The following GUCY2C variants were observed in gnomAD, a reference collection of about 807,000 sequenced individuals.
GUCY2C encodes guanylyl cyclase C.
In GUCY2C, 118 loss-of-function variants were observed where a neutral mutation model predicts 131.1. The ratio of observed to expected loss-of-function variants is 0.90; its 90% CI spans 0.78 to 1.05. The LOEUF is 1.05. Among genes scored for constraint, GUCY2C ranks in the 50% least tolerant of loss-of-function variants. GUCY2C has a pLI of 0.00. For synonymous variants in GUCY2C, 452 were observed against 457.8 expected, an observed-to-expected ratio of 0.99 and a Z score of 0.16; for missense variants, 1,161 against 1,304.4, an observed-to-expected ratio of 0.89 and a Z score of 1.69.
rs768472977 is a variant in GUCY2C, at chr12:14,628,753, A to C, written c.2158-16T>G. ...GTAGGTACACCTGGAAGAAAAAAAAACGGGCAAATTAGCTAAGGGGATAGT... is the reference window on the plus strand; with the variant it reads ...GTAGGTACACCTGGAAGAAAAAAAACCGGGCAAATTAGCTAAGGGGATAGT... On this transcript the variant is annotated splice_polypyrimidine_tract_variant and intron_variant, in intron 19 of 26. Coordinates refer to ENST00000261170, the MANE Select transcript of GUCY2C (RefSeq NM_004963.4). The C allele has an allele frequency of 4.4e-6, 6 of 1,354,280 alleles. No individual in the cohort carries two copies. In the Admixed American group the frequency reaches 6.8e-5, roughly 15 times the overall value. The allele number at this position is 1,354,280 out of a possible 1,614,324, so 83.9% of individuals were successfully genotyped here.
rs1346384122 is a variant in GUCY2C at position 14,628,684 on chromosome 12, A to T, written c.2211T>A (p.Asp737Glu). The change falls in exon 20 of 27, where the codon GAT (aspartate) becomes GAA (glutamate). Residue 737 changes from aspartate (D) to glutamate (E), a missense_variant. Transcript: ENST00000261170. ...CAAGTGTAGTCTCAATTTTTTTGAA[A>T]TCTGGTCTCTTTTCTGGATCTTCCT... ...CWEEDPEKRP[D>E]FKKIETTLAK... 2 of 1,601,868 alleles carry T rather than the reference A, an allele frequency of 1.2e-6. No homozygotes were observed. Among genetic ancestry groups the T allele is most frequent in the Admixed American group, 1.7e-5 (1 of 59,958 alleles).
At chr12:14,675,541 G>C (rs1948215659) in intron 7 of GUCY2C, among the ~76,000 whole-genome samples, 1 of 152,260 alleles carries the variant, frequency 6.6e-6, no homozygotes, top group African/African-American at 2.4e-5. Context: ...ATTCTGAGTG[G>C]AACATGAGCA....
chr12:14,679,879 C>T, intron 5 of GUCY2C, 126 bp from the exon 6 acceptor site: 1 of 528,680 alleles, frequency 1.9e-6, no homozygotes, highest in Admixed American at 4.0e-5. Flanking sequence ...AACTCCAATT[C>T]CTTAAATTCC....
chr12:14,659,615 C>A (rs773061950), intron 11 of GUCY2C, among the ~76,000 whole-genome samples: 46 of 152,236 alleles, frequency 3.0e-4, no homozygotes, highest in Non-Finnish European at 5.4e-4. Flanking sequence ...ATATTACTGA[C>A]CCTAAGACCT....
chr12:14,686,184 A>T lies in GUCY2C; in HGVS notation c.372T>A (p.Cys124Ter). The change falls in exon 3 of 27, where the codon TGT (cysteine) becomes TGA (stop). Residue 124 changes from cysteine to a stop codon, truncating the protein, a stop_gained. Transcript: ENST00000261170. LOFTEE classifies it high-confidence loss of function. ...ACTACATCTGGAAGGTGGAGTATGTACATGAGGGCCCTATGAGGACACAGC... is the reference window on the plus strand; with the variant it reads ...ACTACATCTGGAAGGTGGAGTATGTTCATGAGGGCCCTATGAGGACACAGC... ...RMGCVLIGPSCTYSTFQMYLD... is the reference protein window; with the variant it reads ...RMGCVLIGPS 3 of 1,606,006 alleles carry T rather than the reference A, an allele frequency of 1.9e-6. No individual in the cohort carries two copies. The highest frequency in any genetic ancestry group is 2.6e-6 in the Non-Finnish European group (3 of 1,172,636).
At chr12:14,615,032 CAT>C (rs745330478) in intron 25 of GUCY2C, 89 bp from the exon 26 acceptor site, 6 of 625,822 alleles carry the variant, frequency 9.6e-6, no homozygotes, top group African/African-American at 3.9e-5. Flanking sequence ...GTTTCTGTGA[CAT>C]GTTTCACTTC....
At chr12:14,631,033 C>T (rs1565609651) in intron 19 of GUCY2C, among the ~76,000 whole-genome samples, 1 of 152,052 alleles carries the variant, frequency 6.6e-6, no homozygotes, top group Non-Finnish European at 1.5e-5. Context: ...CTTCGGAAAG[C>T]TGTATTTCAA....
intron 15 of GUCY2C, among the ~76,000 whole-genome samples, chr12:14,647,028 A>C (rs74745412): frequency 0.03 from 4,527 of 152,302 alleles, 226 homozygotes; most frequent in African/African-American, 0.1. Context: ...TGTTGAGCTG[A>C]GATCAAATGA....
chr12:14,676,796 C>A, intron 7 of GUCY2C, 58 bp downstream of exon 7: 1 of 498,612 alleles, frequency 2.0e-6, no homozygotes. Flanking sequence ...ATTATCTTAC[C>A]CTTGACAAAT....
rs183478764 is a variant in GUCY2C at position 14,678,075 on chromosome 12, C to T, written c.831-1104G>A. 7.4e-4 allele frequency among the ~76,000 whole-genome samples: 113 copies of T among 152,228 alleles called. 1 individual carries two copies. The highest frequency in any genetic ancestry group is 3.4e-3 in the Middle Eastern group (1 of 294). On this transcript the variant is annotated intron_variant, in intron 6 of 26. Coordinates refer to ENST00000261170, the MANE Select transcript of GUCY2C (RefSeq NM_004963.4). ...AAGCTATCCTCCCGCCTCAGCTTCC[C>T]AAGCAGCTGGGACAACAGGCATGCA...
chr12:14,672,829 C>T, intron 9 of GUCY2C, 44 bp downstream of exon 9: 1 of 1,087,032 alleles, frequency 9.2e-7, no homozygotes, highest in Non-Finnish European at 1.4e-6. Context: ...CCCTCCTCAC[C>T]CAGTCACAGC....
At chr12:14,622,403 CAG>C (rs1474718199) in intron 21 of GUCY2C, among the ~76,000 whole-genome samples, 1 of 152,196 alleles carries the variant, frequency 6.6e-6, no homozygotes, top group East Asian at 1.9e-4. Context: ...GTTGTGAACA[CAG>C]ATGAATACAA....
intron 11 of GUCY2C, among the ~76,000 whole-genome samples, chr12:14,659,091 G>C (rs919093961): frequency 6.6e-6 from 1 of 151,604 alleles, no homozygotes; most frequent in African/African-American, 2.4e-5. Context: ...TGTTGCCCAG[G>C]CTGGAGTGCA....
chr12:14,669,603 A>G, intron 10 of GUCY2C, 119 bp downstream of exon 10: 1 of 614,228 alleles, frequency 1.6e-6, no homozygotes, highest in Non-Finnish European at 2.9e-6. Context: ...CAGGAAATCA[A>G]ACTGGGACAG....
intron 3 of GUCY2C, among the ~76,000 whole-genome samples, chr12:14,683,972 A>C (rs913886250): frequency 5.3e-5 from 8 of 152,066 alleles, no homozygotes; most frequent in African/African-American, 1.4e-4. Context: ...TCTACCTTCA[A>C]ATATCTTTGC....
chr12:14,655,724 G>T (rs897814225), intron 12 of GUCY2C, among the ~76,000 whole-genome samples: 1 of 152,136 alleles, frequency 6.6e-6, no homozygotes, highest in African/African-American at 2.4e-5. Flanking sequence ...ATTATATGGT[G>T]TATGGAAGGT....
At chr12:14,672,643 G>A (rs1484140399) in intron 9 of GUCY2C, among the ~76,000 whole-genome samples, 1 of 152,072 alleles carries the variant, frequency 6.6e-6, no homozygotes, top group African/African-American at 2.4e-5. Flanking sequence ...TGATATAGAG[G>A]TATAGATATA....
chr12:14,668,584 A>G (rs1027215620), intron 10 of GUCY2C, among the ~76,000 whole-genome samples: 3 of 151,352 alleles, frequency 2.0e-5, no homozygotes, highest in Admixed American at 2.0e-4. Flanking sequence ...GATTACAGGC[A>G]TGAGCCACCA....
intron 9 of GUCY2C, among the ~76,000 whole-genome samples, chr12:14,670,552 A>G (rs1044023208): frequency 1.6e-4 from 25 of 152,066 alleles, no homozygotes; most frequent in Admixed American, 1.3e-4. Flanking sequence ...CAAAATCTCA[A>G]CTTGAATTGT....
Sources: allele counts gnomAD v4.1 joint callset (sites outside exome capture counted in the v4.1 genomes callset), GRCh38; gene constraint gnomAD v4.1.1; transcripts MANE v1.5; gene names NCBI Gene and HGNC (gene_info 2026-07-23, HGNC 2026-07-21).